HAUS7: variants seen among roughly 807,000 people sequenced by gnomAD.
HAUS7 encodes the protein HAUS augmin-like complex subunit 7.
In HAUS7, 3 loss-of-function variants were observed where a neutral mutation model predicts 28.4. The observed-to-expected ratio is 0.11, with a 90% CI of 0.05 to 0.27. The LOEUF (loss-of-function observed/expected upper bound fraction) is 0.27, where lower values mean the gene tolerates loss of function less well. HAUS7 is among the 10% of genes least tolerant of loss of function. HAUS7 has a pLI of 1.00. For missense variants in HAUS7, 284 were observed against 297.3 expected, an observed-to-expected ratio of 0.96 and a Z score of 0.33; for synonymous variants, 165 against 132.1, an observed-to-expected ratio of 1.25 and a Z score of -1.71.
intron 1 of HAUS7, 48 bp from the exon 2 acceptor site, chrX:153,469,309 A>C: frequency 1.7e-6 from 1 of 573,758 alleles, no homozygotes; most frequent in South Asian, 2.6e-5. Context: ...CCCAGTGTAC[A>C]TCATTTCATT....
chrX:153,481,189 C>A (rs1556987224), intron 1 of HAUS7, among the ~76,000 whole-genome samples: 1 of 112,853 alleles, frequency 8.9e-6, no homozygotes, highest in African/African-American at 3.2e-5. Flanking sequence ...AGCCTCAGAG[C>A]CCCCATTTGG....
intron 1 of HAUS7, among the ~76,000 whole-genome samples, chrX:153,487,905 G>A (rs782635235): frequency 1.8e-5 from 2 of 112,945 alleles, no homozygotes; most frequent in South Asian, 3.6e-4. Context: ...CCATTGCCCC[G>A]TTGGCCTGCC....
chrX:153,464,909 CGTT>C, intron 3 of HAUS7, 76 bp downstream of exon 3: 1 of 676,691 alleles, frequency 1.5e-6, no homozygotes, highest in Non-Finnish European at 2.4e-6. Flanking sequence ...TAAAAGAAAA[CGTT>C]GGTCCAATGG....
At chrX:153,460,292 T>C (rs1477771260) in intron 4 of HAUS7, among the ~76,000 whole-genome samples, 1 of 111,592 alleles carries the variant, frequency 9.0e-6, no homozygotes, top group African/African-American at 3.3e-5. Flanking sequence ...CAGGGTCTTT[T>C]GGGGGTGATG....
chrX:153,466,172 G>A (rs1373454633), intron 2 of HAUS7, among the ~76,000 whole-genome samples: 1 of 112,819 alleles, frequency 8.9e-6, no homozygotes, highest in Non-Finnish European at 1.9e-5. Flanking sequence ...CGCAAGCGGG[G>A]TTGGGGAAGG....
At chrX:153,455,217 T>C in intron 8 of HAUS7, 1 of 427,397 alleles carries the variant, frequency 2.3e-6, no homozygotes, top group Admixed American at 3.9e-5. Flanking sequence ...GAGCGTAACG[T>C]GACAACAGTG....
intron 2 of HAUS7, among the ~76,000 whole-genome samples, chrX:153,467,622 G>A (rs2089469515): frequency 8.9e-6 from 1 of 112,364 alleles, no homozygotes; most frequent in African/African-American, 3.2e-5. Flanking sequence ...AGACTGCAGT[G>A]CTGTGCATCA....
chrX:153,468,769 T>C (rs1447487534), intron 2 of HAUS7, among the ~76,000 whole-genome samples: 1 of 112,595 alleles, frequency 8.9e-6, no homozygotes, highest in East Asian at 2.8e-4. Flanking sequence ...CCAGAGACTG[T>C]TCATGCCTCC....
chrX:153,488,408 G>A (rs781981765), intron 1 of HAUS7, among the ~76,000 whole-genome samples: 4 of 113,128 alleles, frequency 3.5e-5, no homozygotes, highest in Admixed American at 1.8e-4. Context: ...GCCTAGGACC[G>A]GGGCCTGGGA....
chrX:153,478,048 C>T (rs1234990393), intron 1 of HAUS7, among the ~76,000 whole-genome samples: 1 of 112,772 alleles, frequency 8.9e-6, no homozygotes, highest in South Asian at 3.6e-4. Flanking sequence ...CCCTTCTCCC[C>T]TCCACCCAAG....
intron 1 of HAUS7, chrX:153,483,163 C>A: frequency 3.8e-6 from 1 of 259,869 alleles, no homozygotes; most frequent in Non-Finnish European, 5.3e-6. Flanking sequence ...AGGGCAGAGA[C>A]TGGCACCTGA....
chrX:153,469,230 T>C lies in HAUS7; in HGVS notation c.140A>G (p.Tyr47Cys), dbSNP rs782777464. The C allele has an allele frequency of 2.5e-6, 3 of 1,181,647 alleles. No homozygotes were observed. Among genetic ancestry groups the C allele is most frequent in the African/African-American group, 3.5e-5 (2 of 57,039 alleles). Reference protein sequence around the residue: ...DLNCPFLEGLYITEPKTIQEL... With the variant: ...DLNCPFLEGLCITEPKTIQEL... The stretch of plus-strand genomic sequence containing the variant: ...CTGAATTGTCTTTGGCTCTGTGATA[T>C]ACAGACCCTCGAGGAAGGGGCAGTT... The change falls in exon 2 of 10, where the codon TAT becomes TGT. Residue 47 changes from tyrosine (Y) to cysteine (C), a missense_variant. Transcript: ENST00000370211.
intron 9 of HAUS7, among the ~76,000 whole-genome samples, chrX:153,451,165 A>G (rs1042256182): frequency 3.6e-5 from 4 of 112,183 alleles, no homozygotes; most frequent in African/African-American, 1.3e-4. Flanking sequence ...GCCTGGATGT[A>G]AAGGGTGCCT....
At chrX:153,483,122 A>T (rs2089611928) in intron 1 of HAUS7, among the ~76,000 whole-genome samples, 1 of 112,981 alleles carries the variant, frequency 8.9e-6, no homozygotes, top group African/African-American at 3.2e-5. Flanking sequence ...AGTCCCCTGA[A>T]AATCCACCCC....
intron 1 of HAUS7, among the ~76,000 whole-genome samples, chrX:153,484,940 G>C (rs1485928380): frequency 8.9e-6 from 1 of 112,738 alleles, no homozygotes; most frequent in Non-Finnish European, 1.9e-5. Context: ...CCCTAGCCAC[G>C]GGGGCTGAGG....
intron 1 of HAUS7, among the ~76,000 whole-genome samples, chrX:153,477,955 G>C (rs1556986546): frequency 8.9e-6 from 1 of 112,266 alleles, no homozygotes; most frequent in Non-Finnish European, 1.9e-5. Context: ...CACCCCTCTG[G>C]ATCTCACACA....
chrX:153,454,661 C>G (rs2089281921), intron 8 of HAUS7, 153 bp from the exon 9 acceptor site: 2 of 480,566 alleles, frequency 4.2e-6, no homozygotes, highest in Non-Finnish European at 7.2e-6. Context: ...GGGTGAGGGA[C>G]AGAACTCCCA....
chrX:153,481,954 G>A, intron 1 of HAUS7: 6 of 709,267 alleles, frequency 8.5e-6, no homozygotes, highest in South Asian at 7.3e-5. Context: ...ACCTCTTCTC[G>A]GGGGCCGGGG....
rs1328459797 is a variant in HAUS7, at chrX:153,485,850, C to T, written c.-589+9524G>A. ...CTGCCGCGGGGCCTGAGGCGCCTGA[C>T]GCTGCACCACGACCACATCGAGCGC... On this transcript the variant is annotated intron_variant, in intron 1 of 5. Coordinates refer to the HAUS7 transcript ENST00000370210. 1.7e-5 allele frequency: 15 copies of T among 908,263 alleles called. No homozygotes were observed. In the South Asian group the frequency reaches 1.8e-4, roughly 11 times the overall value. 74.9% of individuals were successfully genotyped at this position (908,263 alleles called of 1,213,427 possible). A position where few individuals can be genotyped will look rare whatever the true frequency, so the allele number is the denominator to read the frequency against.
Sources: allele counts gnomAD v4.1 joint callset (sites outside exome capture counted in the v4.1 genomes callset), GRCh38; gene constraint gnomAD v4.1.1; transcripts MANE v1.5; gene names NCBI Gene and HGNC (gene_info 2026-07-23, HGNC 2026-07-21).